Variants in RAPGEF5 observed in about 807,000 individuals in gnomAD.
RAPGEF5 encodes the protein M-Ras-regulated GEF.
Under a neutral mutation model 125.2 loss-of-function variants are expected in RAPGEF5, and 65 were observed. The ratio of observed to expected loss-of-function variants is 0.52; its 90% CI spans 0.43 to 0.64. The LOEUF is 0.64. RAPGEF5 is among the 30% of genes least tolerant of loss of function. The pLI is 0.00. For missense variants in RAPGEF5, 958 were observed against 1,048.1 expected (o/e 0.91, Z 1.19); for synonymous variants, 391 against 385.9 (o/e 1.01, Z -0.16).
At chr7:22,154,704 C>A in intron 16 of RAPGEF5, 100 bp from the exon 17 acceptor site, 2 of 1,334,978 alleles carry the variant, frequency 1.5e-6, no homozygotes, top group South Asian at 1.4e-5. Flanking sequence ...CTAAATCAAC[C>A]CACCTGGCTA....
intron 11 of RAPGEF5, among the ~76,000 whole-genome samples, chr7:22,182,232 C>T (rs190895223): frequency 2.0e-5 from 3 of 152,212 alleles, no homozygotes; most frequent in Admixed American, 6.5e-5. Context: ...ATCCAACAAC[C>T]GTCTGGGGAG....
chr7:22,160,621 G>GA lies in RAPGEF5; in HGVS notation c.1429-7dup, dbSNP rs1783956810. ...AGTACATTCCTATATATGGTCTGGA[G>GA]AAAAAAGACAAATGAGAGCTCAGTG... On this transcript the variant is annotated splice_polypyrimidine_tract_variant and splice_region_variant and intron_variant, in intron 13 of 25. Transcript: ENST00000665637. 2 of 1,524,204 alleles carry GA rather than the reference G, an allele frequency of 1.3e-6. No individual in the cohort carries two copies. The highest frequency in any genetic ancestry group is 2.2e-5 in the Admixed American group (1 of 46,058). 94.4% of individuals were successfully genotyped at this position (1,524,204 alleles called of 1,614,324 possible).
chr7:22,353,750 CAA>C (rs1784371421), intron 1 of RAPGEF5, among the ~76,000 whole-genome samples: 2 of 152,152 alleles, frequency 1.3e-5, no homozygotes, highest in Non-Finnish European at 2.9e-5. Context: ...TAAAGAAGTG[CAA>C]AGAGTCTTAA....
intron 14 of RAPGEF5, among the ~76,000 whole-genome samples, chr7:22,158,241 C>T (rs140439582): frequency 6.3e-4 from 96 of 152,284 alleles, no homozygotes; most frequent in Admixed American, 1.8e-3. Flanking sequence ...TAAGTTTTCT[C>T]ATACAGTGAT....
intron 6 of RAPGEF5, among the ~76,000 whole-genome samples, chr7:22,267,603 T>A (rs895477044): frequency 6.6e-6 from 1 of 152,120 alleles, no homozygotes; most frequent in African/African-American, 2.4e-5. Flanking sequence ...AAATCCTAAA[T>A]GTCTTTAACC....
intron 7 of RAPGEF5, among the ~76,000 whole-genome samples, chr7:22,265,886 A>T (rs1039151908): frequency 7.0e-4 from 107 of 152,232 alleles, no homozygotes; most frequent in Middle Eastern, 3.4e-3. Flanking sequence ...AATGCTGTTC[A>T]CTGGGGAGCC....
intron 7 of RAPGEF5, among the ~76,000 whole-genome samples, chr7:22,262,277 A>G (rs530798438): frequency 1.1e-4 from 16 of 152,326 alleles, no homozygotes; most frequent in African/African-American, 3.4e-4. Context: ...CAATTCACCA[A>G]AAACAACATC....
intron 12 of RAPGEF5, 82 bp downstream of exon 12, chr7:22,166,988 T>G: frequency 8.8e-7 from 1 of 1,135,726 alleles, no homozygotes; most frequent in Non-Finnish European, 1.3e-6. Context: ...GTTGAATAAA[T>G]TAAGGAAGGC....
chr7:22,320,083 T>C lies in RAPGEF5; in HGVS notation c.232-2046A>G, dbSNP rs78878886. Among the ~76,000 whole-genome samples, 156 of 152,356 alleles carry C rather than the reference T, an allele frequency of 1.0e-3. 2 individuals carry two copies. In the East Asian group the frequency reaches 0.027, roughly 26 times the overall value. On this transcript the variant is annotated intron_variant, in intron 1 of 25. Transcript: ENST00000665637. Reference sequence around the variant, plus strand: ...TAGATAGCAGCGTTAGATAAGCTACTGGCCCCAGGAACTCAACAAGCTCAA... The same window carrying C: ...TAGATAGCAGCGTTAGATAAGCTACCGGCCCCAGGAACTCAACAAGCTCAA...
At position 22,310,081 on chromosome 7, in the gene RAPGEF5, G is replaced by T; in HGVS notation, c.399C>A (p.Cys133Ter). 1 of 1,573,328 alleles carries T rather than the reference G, an allele frequency of 6.4e-7. No homozygotes were observed. ...GCCAGTCTACCAGCTCTGACCCAAC[G>T]CAGCTCCTCCTGAACAAAAGCAAAG... ...VNLKGFYRRS[C>*]VGSELVDWLL... is the part of the protein sequence containing the mutation. Residue 133 changes from cysteine (C) to a stop codon, truncating the protein, a stop_gained, in exon 4 of 26, where the codon TGC becomes TGA. Transcript: ENST00000665637. LOFTEE classifies it high-confidence loss of function.
chr7:22,330,821 C>A (rs1483757926), intron 1 of RAPGEF5, among the ~76,000 whole-genome samples: 3 of 152,188 alleles, frequency 2.0e-5, no homozygotes, highest in Non-Finnish European at 4.4e-5. Flanking sequence ...AATACCTGAC[C>A]TGAAGGCACA....
intron 1 of RAPGEF5, chr7:22,356,197 T>G: frequency 1.0e-6 from 1 of 985,452 alleles, no homozygotes; most frequent in Non-Finnish European, 1.2e-6. Context: ...GGAAATCGTA[T>G]CTGAACACAC....
chr7:22,309,737 C>T (rs1307253136), intron 4 of RAPGEF5, among the ~76,000 whole-genome samples: 1 of 152,162 alleles, frequency 6.6e-6, no homozygotes, highest in Non-Finnish European at 1.5e-5. Flanking sequence ...AGGACTCCTA[C>T]AGGTAATATT....
chr7:22,276,899 T>C (rs1164305796), intron 6 of RAPGEF5, among the ~76,000 whole-genome samples: 1 of 152,326 alleles, frequency 6.6e-6, no homozygotes, highest in African/African-American at 2.4e-5. Context: ...TATTAGAATA[T>C]AGTTGAGCTG....
intron 2 of RAPGEF5, 71 bp from the exon 3 acceptor site, chr7:22,315,547 C>CTA (rs5882843): frequency 0.011 from 4,633 of 412,094 alleles, 18 homozygotes; most frequent in Middle Eastern, 0.018. Context: ...CAATAGCATA[C>CTA]TATATATATA....
chr7:22,266,881 A>AGTT, intron 7 of RAPGEF5, 83 bp downstream of exon 7: 1 of 1,354,074 alleles, frequency 7.4e-7, no homozygotes, highest in Non-Finnish European at 1.0e-6. Context: ...CCTGAGATAC[A>AGTT]CTCAACTGCA....
Position 22,121,253 on chromosome 7 carries a change from T to C in RAPGEF5, c.*1153A>G, listed in dbSNP as rs570088603. On this transcript the variant is annotated 3_prime_UTR_variant, in exon 26 of 26. Coordinates refer to ENST00000665637, the MANE Select transcript of RAPGEF5 (RefSeq NM_012294.5). ...AAAAAAAAAAAAAAAAGGCAAATTA[T>C]AGAAAGGCTCCCTGCTTTGGCTGGT... is the stretch of plus-strand genomic sequence containing the variant. 14 of 147,852 alleles carry C rather than the reference T, an allele frequency of 9.5e-5. No individual in the cohort carries two copies. In the South Asian group the frequency reaches 3.0e-3, roughly 32 times the overall value. The allele number at this position is 147,852 out of a possible 1,614,324, so 9.2% of individuals were successfully genotyped here.
intron 6 of RAPGEF5, among the ~76,000 whole-genome samples, chr7:22,276,951 A>C (rs897201254): frequency 1.3e-5 from 2 of 152,200 alleles, no homozygotes; most frequent in African/African-American, 4.8e-5. Context: ...AATTGCTTTA[A>C]TATTGCATAT....
At chr7:22,279,622 C>A (rs1279897138) in intron 6 of RAPGEF5, among the ~76,000 whole-genome samples, 1 of 152,186 alleles carries the variant, frequency 6.6e-6, no homozygotes, top group African/African-American at 2.4e-5. Flanking sequence ...CAGCAAAATT[C>A]TGTAAAACCA....
Sources: allele counts gnomAD v4.1 joint callset (sites outside exome capture counted in the v4.1 genomes callset), GRCh38; gene constraint gnomAD v4.1.1; transcripts MANE v1.5; gene names NCBI Gene and HGNC (gene_info 2026-07-23, HGNC 2026-07-21).